The following B3GALT1 variants were observed in gnomAD, a reference collection of about 807,000 sequenced individuals.
B3GALT1 encodes the protein beta-1,3-galactosyltransferase 1, also known as UDP-Gal:betaGlcNAc beta 1,3-galactosyltransferase, polypeptide 1.
Under a neutral mutation model 23.2 loss-of-function variants are expected in B3GALT1, and 10 were observed. The observed-to-expected ratio is 0.43, with a 90% CI of 0.27 to 0.73. The LOEUF is 0.73. Among genes scored for constraint, B3GALT1 ranks in the 30% least tolerant of loss-of-function variants. The pLI is 0.21. For missense variants in B3GALT1, 299 were observed against 405.4 expected (o/e 0.74, Z 2.25); for synonymous variants, 156 against 141.5 (o/e 1.10, Z -0.73).
chr2:167,841,790 C>G (rs968080933), intron 4 of B3GALT1, among the ~76,000 whole-genome samples: 2 of 152,126 alleles, frequency 1.3e-5, no homozygotes, highest in Admixed American at 6.6e-5. Flanking sequence ...TATAGCTTTT[C>G]AGATTCTATA....
At chr2:167,340,642 C>A (rs1238078603) in intron 1 of B3GALT1, among the ~76,000 whole-genome samples, 1 of 152,182 alleles carries the variant, frequency 6.6e-6, no homozygotes, top group Non-Finnish European at 1.5e-5. Flanking sequence ...TGACGTAACT[C>A]TTTTCATGGC....
chr2:167,686,679 T>C (rs1265890995), intron 3 of B3GALT1, among the ~76,000 whole-genome samples: 1 of 152,222 alleles, frequency 6.6e-6, no homozygotes, highest in Non-Finnish European at 1.5e-5. Context: ...CACTGTATTA[T>C]TTCTATTTCG....
intron 3 of B3GALT1, among the ~76,000 whole-genome samples, chr2:167,660,013 T>A (rs1441461159): frequency 6.6e-6 from 1 of 152,048 alleles, no homozygotes; most frequent in Non-Finnish European, 1.5e-5. Flanking sequence ...AAGAAGTATT[T>A]CCTAGAAAGG....
intron 3 of B3GALT1, among the ~76,000 whole-genome samples, chr2:167,654,054 G>C (rs1685910847): frequency 6.6e-6 from 1 of 152,134 alleles, no homozygotes; most frequent in Admixed American, 6.5e-5. Context: ...GCAGTACAGT[G>C]GTGGTTAAAG....
intron 4 of B3GALT1, among the ~76,000 whole-genome samples, chr2:167,834,660 C>G (rs557028203): frequency 6.6e-6 from 1 of 152,210 alleles, no homozygotes; most frequent in Non-Finnish European, 1.5e-5. Context: ...ACCAGCCTGG[C>G]CAATATGGCA....
chr2:167,714,602 A>C, intron 3 of B3GALT1: 1 of 1,613,658 alleles, frequency 6.2e-7, no homozygotes, highest in Middle Eastern at 1.7e-4. Flanking sequence ...TGTTTCAGTT[A>C]ATTTTTGTTT....
chr2:167,598,342 G>T (rs1038888515), intron 2 of B3GALT1, among the ~76,000 whole-genome samples: 1 of 151,880 alleles, frequency 6.6e-6, no homozygotes, highest in East Asian at 1.9e-4. Context: ...GCATAATATA[G>T]AATATATTTG....
At chr2:167,579,211 A>T (rs1574149769) in intron 2 of B3GALT1, among the ~76,000 whole-genome samples, 2 of 152,084 alleles carry the variant, frequency 1.3e-5, no homozygotes, top group Non-Finnish European at 2.9e-5. Flanking sequence ...AATTTGTTCA[A>T]CCTTATGACC....
At chr2:167,319,084 T>C (rs992233394) in intron 1 of B3GALT1, among the ~76,000 whole-genome samples, 1 of 152,134 alleles carries the variant, frequency 6.6e-6, no homozygotes, top group African/African-American at 2.4e-5. Flanking sequence ...GACACCATTG[T>C]CTTGCTCTGA....
At chr2:167,793,685 C>T (rs1423656955) in intron 3 of B3GALT1, among the ~76,000 whole-genome samples, 1 of 152,168 alleles carries the variant, frequency 6.6e-6, no homozygotes, top group East Asian at 1.9e-4. Flanking sequence ...GGAGATAAAG[C>T]AGACATCTTC....
chr2:167,457,564 C>T (rs1039978049), intron 1 of B3GALT1, among the ~76,000 whole-genome samples: 3 of 151,908 alleles, frequency 2.0e-5, no homozygotes, highest in African/African-American at 4.8e-5. Context: ...CAAAAGTTGA[C>T]TCATTATTGT....
chr2:167,580,621 T>C (rs970910152), intron 2 of B3GALT1, among the ~76,000 whole-genome samples: 1 of 152,164 alleles, frequency 6.6e-6, no homozygotes, highest in African/African-American at 2.4e-5. Context: ...CCTGACTCTA[T>C]GTTAAAATAT....
At chr2:167,742,667 A>C (rs191993802) in intron 3 of B3GALT1, among the ~76,000 whole-genome samples, 2 of 151,930 alleles carry the variant, frequency 1.3e-5, no homozygotes, top group Non-Finnish European at 2.9e-5. Context: ...ATAAGAACCC[A>C]TTTTTTTTAA....
At chr2:167,526,672 C>T (rs1009703231) in intron 2 of B3GALT1, among the ~76,000 whole-genome samples, 1 of 152,108 alleles carries the variant, frequency 6.6e-6, no homozygotes, top group Non-Finnish European at 1.5e-5. Flanking sequence ...CATAGGAGTG[C>T]TTACAGAAAT....
chr2:167,563,386 C>T lies in B3GALT1; in HGVS notation c.-410+73109C>T, dbSNP rs867990761. On this transcript the variant is annotated intron_variant, in intron 2 of 4. Coordinates refer to ENST00000392690, the MANE Select transcript of B3GALT1 (RefSeq NM_020981.4). ...CTCCCCCACCTCCCTCCCTCCCGGACGGGGCGGCTGGCCGGGCGGGGGGCT... is the reference window on the plus strand; with the variant it reads ...CTCCCCCACCTCCCTCCCTCCCGGATGGGGCGGCTGGCCGGGCGGGGGGCT... Among the ~76,000 whole-genome samples, 23 of 130,120 alleles carry T rather than the reference C, an allele frequency of 1.8e-4. 1 individual carries two copies. The South Asian group carries it at 4.6e-3, about 26-fold the overall frequency. 85.4% of individuals were successfully genotyped at this position (130,120 alleles called of 152,430 possible). A position where few individuals can be genotyped will look rare whatever the true frequency, so the allele number is the denominator to read the frequency against.
intron 3 of B3GALT1, among the ~76,000 whole-genome samples, chr2:167,809,822 G>C (rs951327658): frequency 1.3e-5 from 2 of 152,014 alleles, no homozygotes; most frequent in African/African-American, 4.8e-5. Context: ...GTCAGACAGG[G>C]ACATTTAAGT....
At chr2:167,489,215 T>C (rs1171156697) in intron 1 of B3GALT1, among the ~76,000 whole-genome samples, 1 of 152,192 alleles carries the variant, frequency 6.6e-6, no homozygotes, top group Non-Finnish European at 1.5e-5. Context: ...GCTTTCTGAC[T>C]TCTCCAGTGT....
chr2:167,347,056 T>C (rs1175674812), intron 1 of B3GALT1, among the ~76,000 whole-genome samples: 1 of 152,186 alleles, frequency 6.6e-6, no homozygotes, highest in Non-Finnish European at 1.5e-5. Context: ...AATGCAATCA[T>C]TAAATCTCTC....
chr2:167,477,830 A>G (rs1223480090), intron 1 of B3GALT1, among the ~76,000 whole-genome samples: 2 of 152,228 alleles, frequency 1.3e-5, no homozygotes, highest in Non-Finnish European at 1.5e-5. Flanking sequence ...TTTTGGGTAC[A>G]TCTATTTGTC....
Sources: gnomAD v4.1 joint callset for allele counts (sites outside exome capture counted in the v4.1 genomes callset) on GRCh38, gnomAD v4.1.1 for gene constraint, MANE v1.5 for transcripts, NCBI Gene and HGNC (gene_info 2026-07-23, HGNC 2026-07-21) for gene names.